Variants in NCOR2 observed in about 807,000 individuals in gnomAD.
The protein encoded by NCOR2 is CTG repeat protein 26.
Under a neutral mutation model 262.9 loss-of-function variants are expected in NCOR2, and 81 were observed. That is an observed-to-expected ratio of 0.31 (90% CI 0.26 to 0.37). The LOEUF (loss-of-function observed/expected upper bound fraction) is 0.37. Ranked by LOEUF, NCOR2 falls within the 10% of genes least tolerant of loss-of-function variation. The pLI is 1.00. For synonymous variants in NCOR2, 1,659 were observed against 1,559.3 expected, an observed-to-expected ratio of 1.06 and a Z score of -1.51; for missense variants, 3,385 against 3,621.4, an observed-to-expected ratio of 0.93 and a Z score of 1.68.
At chr12:124,417,555 A>G (rs1019959858) in intron 13 of NCOR2, among the ~76,000 whole-genome samples, 1 of 152,166 alleles carries the variant, frequency 6.6e-6, no homozygotes, top group African/African-American at 2.4e-5. Flanking sequence ...GGAACTGGGA[A>G]GGCCAGCAAG....
chr12:124,467,083 T>C (rs1303902783), intron 4 of NCOR2, among the ~76,000 whole-genome samples: 3 of 120,764 alleles, frequency 2.5e-5, no homozygotes, highest in Non-Finnish European at 3.3e-5. Context: ...ATCATCTTCA[T>C]CCTCATCACC....
chr12:124,358,310 CGT>C (rs1392259920), intron 22 of NCOR2, among the ~76,000 whole-genome samples: 14 of 93,774 alleles, frequency 1.5e-4, no homozygotes, highest in South Asian at 3.4e-4. Flanking sequence ...CGTGTATGTG[CGT>C]GTGTGTGAGT....
chr12:124,472,985 T>C (rs201831182), exon 4 of NCOR2: 94 of 1,614,186 alleles, frequency 5.8e-5, no homozygotes, highest in Admixed American at 2.5e-4. Context: ...TCTGCTGCTC[T>C]ACCATGGTGA....
At chr12:124,408,527 G>A (rs989486695) in intron 13 of NCOR2, among the ~76,000 whole-genome samples, 8 of 152,154 alleles carry the variant, frequency 5.3e-5, no homozygotes, top group East Asian at 3.9e-4. Context: ...CAGGAGGATT[G>A]TCTAGGGCTC....
chr12:124,396,674 G>C (rs1171350039), intron 16 of NCOR2, among the ~76,000 whole-genome samples: 5 of 152,148 alleles, frequency 3.3e-5, no homozygotes, highest in Non-Finnish European at 7.4e-5. Flanking sequence ...CCTCAGCCTG[G>C]GGGGCGGAGG....
intron 13 of NCOR2, among the ~76,000 whole-genome samples, chr12:124,403,320 A>T (rs1229246905): frequency 6.6e-6 from 1 of 152,140 alleles, no homozygotes; most frequent in Non-Finnish European, 1.5e-5. Flanking sequence ...TTTACAGAGC[A>T]GATCAGAGAG....
chr12:124,458,742 G>C (rs3782280), intron 5 of NCOR2, among the ~76,000 whole-genome samples: 1 of 152,130 alleles, frequency 6.6e-6, no homozygotes, highest in Non-Finnish European at 1.5e-5. Context: ...CAGGATCCAC[G>C]GACAGAGGAA....
chr12:124,364,476 G>A (rs553726996), intron 20 of NCOR2, among the ~76,000 whole-genome samples: 46 of 152,360 alleles, frequency 3.0e-4, no homozygotes, highest in African/African-American at 1.1e-3. Flanking sequence ...TGTGTGGAGG[G>A]GCAGGTAGGG....
At chr12:124,371,090 A>C (rs12319041) in intron 20 of NCOR2, among the ~76,000 whole-genome samples, 3,076 of 152,188 alleles carry the variant, frequency 0.02, 114 homozygotes, top group African/African-American at 0.071. Flanking sequence ...ACATGGTTTC[A>C]TGGGTAAATC....
At chr12:124,363,450 G>C (rs902290089) in intron 21 of NCOR2, among the ~76,000 whole-genome samples, 1 of 152,230 alleles carries the variant, frequency 6.6e-6, no homozygotes, top group Non-Finnish European at 1.5e-5. Context: ...GGGGTGGAAG[G>C]GGGGAGGCCT....
chr12:124,337,413 G>A, intron 37 of NCOR2: 1 of 698,092 alleles, frequency 1.4e-6, no homozygotes, highest in Non-Finnish European at 2.6e-6. Flanking sequence ...GCAGCTACTA[G>A]GTGCCAGGCA....
At chr12:124,347,132 G>T (rs977328019) in intron 30 of NCOR2, among the ~76,000 whole-genome samples, 1 of 152,268 alleles carries the variant, frequency 6.6e-6, no homozygotes. Context: ...ACTCTGGGGG[G>T]CTGCGGCAGG....
chr12:124,529,618 G>A (rs541448982), intron 1 of NCOR2: 2 of 152,422 alleles, frequency 1.3e-5, no homozygotes, highest in African/African-American at 4.8e-5. Flanking sequence ...ATAAAGACTA[G>A]AAAGGAAAAC....
intron 1 of NCOR2, among the ~76,000 whole-genome samples, chr12:124,532,239 C>T (rs114222096): frequency 0.011 from 1,669 of 152,068 alleles, 38 homozygotes; most frequent in African/African-American, 0.038. Context: ...TCTACCATCA[C>T]GGTTCTTACT....
chr12:124,348,076 A>G, intron 29 of NCOR2, 98 bp downstream of exon 31: 2 of 1,563,378 alleles, frequency 1.3e-6, no homozygotes, highest in Non-Finnish European at 1.7e-6. Flanking sequence ...AGCCTCAGAA[A>G]GCCCAGCCTC....
intron 1 of NCOR2, among the ~76,000 whole-genome samples, chr12:124,551,974 AACCATTGGG>A (rs1192077860): frequency 6.6e-6 from 1 of 152,086 alleles, no homozygotes; most frequent in Non-Finnish European, 1.5e-5. Flanking sequence ...TTTTCTGGTC[AACCATTGGG>A]ACCAGGTACT....
At chr12:124,369,353 C>T (rs768117177) in intron 20 of NCOR2, among the ~76,000 whole-genome samples, 2 of 152,162 alleles carry the variant, frequency 1.3e-5, no homozygotes, top group Admixed American at 6.5e-5. Context: ...GTCACCGGGG[C>T]GGGGGGCCAG....
rs771023965 is a variant in NCOR2, at chr12:124,378,309, C to T, written c.2095G>A (p.Val699Met). The change falls in exon 18 of 47, where the codon GTG becomes ATG. Residue 699 changes from valine to methionine, a missense_variant. Physicochemically the swap from Val to Met is conservative, Grantham distance 21. Around this residue, in one of 5 missense-constraint regions of NCOR2, gnomAD observed 515 missense variants for 781.2 expected, o/e 0.66. Transcript: ENST00000405201. The surrounding 1 kb of genome is among the most constrained non-coding windows in gnomAD (Gnocchi z 4.2). The stretch of plus-strand genomic sequence containing the variant: ...GCCTCCATCTCCTCATCCTCCACCA[C>T]GGGCGGGAATGCAGCCTCCTCGCTG... The T allele has an allele frequency of 2.1e-5, 34 of 1,614,028 alleles. No individual in the cohort carries two copies. Among genetic ancestry groups the T allele is most frequent in the East Asian group, 1.3e-4 (6 of 44,890 alleles).
At chr12:124,334,695 G>A (rs1324187028) in intron 40 of NCOR2, 78 bp from the exon 43 acceptor site, 23 of 737,150 alleles carry the variant, frequency 3.1e-5, no homozygotes, top group Middle Eastern at 7.2e-4. Context: ...GGGGCTAGAC[G>A]GAGCTCGGGG....
Sources: allele counts gnomAD v4.1 joint callset (sites outside exome capture counted in the v4.1 genomes callset), GRCh38; gene constraint gnomAD v4.1.1; regional missense constraint gnomAD v4.1.1; non-coding constraint Gnocchi (gnomAD v3.1); transcripts MANE v1.5; gene names NCBI Gene and HGNC (gene_info 2026-07-23, HGNC 2026-07-21).